The following LARP1 variants were observed in gnomAD, a reference collection of about 807,000 sequenced individuals.
LARP1 encodes La ribonucleoprotein 1, translational regulator.
LARP1 carries 36 observed loss-of-function variants against 122.7 expected under a neutral mutation model. The observed-to-expected ratio is 0.29, with a 90% CI of 0.22 to 0.39. The LOEUF is 0.39. Among genes scored for constraint, LARP1 ranks in the 10% least tolerant of loss-of-function variants. The pLI, the probability that LARP1 is intolerant of heterozygous loss-of-function variation, is 1.00. For missense variants in LARP1, 1,040 were observed against 1,403.6 expected, an observed-to-expected ratio of 0.74 and a Z score of 4.14; for synonymous variants, 539 against 528.7, an observed-to-expected ratio of 1.02 and a Z score of -0.27.
At chr5:154,795,422 G>T in intron 8 of LARP1, 103 bp downstream of exon 8, 1 of 1,180,488 alleles carries the variant, frequency 8.5e-7, no homozygotes, top group South Asian at 1.5e-5. Flanking sequence ...ATCATCTGAT[G>T]ACTTCTGCTG....
At chr5:154,770,829 C>CTGGCCGGGCACGG (rs1755348118) in intron 1 of LARP1, among the ~76,000 whole-genome samples, 1 of 152,040 alleles carries the variant, frequency 6.6e-6, no homozygotes, top group African/African-American at 2.4e-5. Context: ...GGATTGGATC[C>CTGGCCGGGCACGG]TGGCCGGGCA....
At chr5:154,775,981 T>C (rs1434272631) in intron 1 of LARP1, among the ~76,000 whole-genome samples, 1 of 152,094 alleles carries the variant, frequency 6.6e-6, no homozygotes, top group African/African-American at 2.4e-5. Flanking sequence ...AAATGCCTAG[T>C]AAGTGGTGGC....
At chr5:154,699,762 G>A (rs944877083) in intron 1 of LARP1, among the ~76,000 whole-genome samples, 3 of 152,100 alleles carry the variant, frequency 2.0e-5, no homozygotes, top group South Asian at 4.1e-4. Flanking sequence ...TGGAGGGACC[G>A]AGGTACAAAT....
intron 1 of LARP1, among the ~76,000 whole-genome samples, chr5:154,740,438 C>T (rs1365099196): frequency 6.6e-6 from 1 of 151,646 alleles, no homozygotes; most frequent in Non-Finnish European, 1.5e-5. Flanking sequence ...CACCAACACT[C>T]AGTAGGTGGC....
At chr5:154,787,837 G>A (rs1757010358) in intron 1 of LARP1, among the ~76,000 whole-genome samples, 1 of 152,168 alleles carries the variant, frequency 6.6e-6, no homozygotes, top group Admixed American at 6.5e-5. Context: ...CATCAGCTTG[G>A]GATTGGTGGC....
Position 154,815,425 on chromosome 5 carries a change from TC to T in LARP1, c.*1331del, listed in dbSNP as rs1480826116. ...ACACACTTGTCCTCAGCTTACCATC[TC>T]CTCACACCCCAGAGTGGAAAGGTGA... On this transcript the variant is annotated 3_prime_UTR_variant, in exon 19 of 19. Coordinates refer to ENST00000518297, the MANE Select transcript of LARP1 (RefSeq NM_033551.3). The T allele has an allele frequency of 6.6e-6, 1 of 152,298 alleles. No homozygotes were observed. Among genetic ancestry groups the T allele is most frequent in the Non-Finnish European group, 1.5e-5 (1 of 68,040 alleles). 9.4% of individuals were successfully genotyped at this position (152,298 alleles called of 1,614,324 possible). A position where few individuals can be genotyped will look rare whatever the true frequency, so the allele number is the denominator to read the frequency against.
intron 7 of LARP1, 86 bp downstream of exon 7, chr5:154,794,348 G>C (rs1757580007): frequency 7.4e-7 from 1 of 1,359,448 alleles, no homozygotes; most frequent in Admixed American, 2.2e-5. Flanking sequence ...AGGCCCTTCT[G>C]GTGCTTAGCA....
intron 1 of LARP1, among the ~76,000 whole-genome samples, chr5:154,779,397 A>T (rs1404688983): frequency 6.6e-6 from 1 of 152,166 alleles, no homozygotes; most frequent in Non-Finnish European, 1.5e-5. Context: ...ATGGACTCCA[A>T]AGTCCACGCT....
At position 154,743,433 on chromosome 5, in the gene LARP1, C is replaced by T. The variant is rs959870530; in HGVS notation, c.205+30303C>T. On this transcript the variant is annotated intron_variant, in intron 1 of 18. Coordinates refer to the LARP1 transcript ENST00000336314. ...AAGCGATTCTCCTGCCTCAGCCTCCCGAGTAGCTGGGATTACAGGTGCCCG... is the reference window on the plus strand; with the variant it reads ...AAGCGATTCTCCTGCCTCAGCCTCCTGAGTAGCTGGGATTACAGGTGCCCG... 4.6e-5 allele frequency among the ~76,000 whole-genome samples: 7 copies of T among 151,666 alleles called. 1 individual carries two copies. In the East Asian group the frequency reaches 9.7e-4, roughly 21 times the overall value.
upstream of LARP1, among the ~76,000 whole-genome samples, chr5:154,711,499 A>T (rs1353877228): frequency 2.6e-5 from 4 of 152,128 alleles, no homozygotes; most frequent in Non-Finnish European, 4.4e-5. Flanking sequence ...ATGTCTACAG[A>T]GTGGAAGAAG....
chr5:154,790,639 C>T lies in LARP1; in HGVS notation c.499-6C>T, dbSNP rs1156817223. On this transcript the variant is annotated splice_polypyrimidine_tract_variant and splice_region_variant and intron_variant, in intron 2 of 18. Transcript: ENST00000518297. ...CTGGGGCCCTCATAGTGTATGTTCC[C>T]TGCAGGTTGGTGACTTTGGAGATGC... 3.1e-6 allele frequency: 5 copies of T among 1,614,058 alleles called. 1 individual carries two copies. Among genetic ancestry groups the T allele is most frequent in the Middle Eastern group, 1.6e-4 (1 of 6,062 alleles).
rs142709897 is a variant in LARP1, at chr5:154,717,329, A to T, written c.205+4199A>T. Among the ~76,000 whole-genome samples the T allele has an allele frequency of 1.1e-3, 163 of 152,200 alleles. 2 individuals are homozygous for T. Among genetic ancestry groups the T allele is most frequent in the African/African-American group, 3.7e-3 (153 of 41,528 alleles). ...AGCCTGGCCCCACAAGCCTGTGGTT[A>T]TTCAACCTCTGCATTGCACTCTACT... On this transcript the variant is annotated intron_variant, in intron 1 of 18. Coordinates refer to the LARP1 transcript ENST00000336314.
intron 1 of LARP1, among the ~76,000 whole-genome samples, chr5:154,773,123 C>G (rs568064073): frequency 2.6e-5 from 4 of 151,416 alleles, no homozygotes; most frequent in Non-Finnish European, 4.4e-5. Flanking sequence ...AGTTTTTGTA[C>G]TGGAAGGGCT....
At chr5:154,731,191 GA>G (rs1160433245) in intron 1 of LARP1, among the ~76,000 whole-genome samples, 4 of 150,706 alleles carry the variant, frequency 2.7e-5, no homozygotes, top group African/African-American at 4.9e-5. Context: ...TGTGAAAGGA[GA>G]AAAAAAACAC....
chr5:154,749,237 T>G (rs1388906511), intron 1 of LARP1, among the ~76,000 whole-genome samples: 1 of 152,040 alleles, frequency 6.6e-6, no homozygotes, highest in Non-Finnish European at 1.5e-5. Context: ...ACGGGACAAC[T>G]TGGGAAGTAC....
intron 3 of LARP1, among the ~76,000 whole-genome samples, chr5:154,791,795 C>T (rs1757374683): frequency 6.6e-6 from 1 of 152,128 alleles, no homozygotes; most frequent in South Asian, 2.1e-4. Context: ...TATTTTTGTT[C>T]TGCATTCGGT....
At chr5:154,793,354 T>G (rs1015538969) in intron 4 of LARP1, among the ~76,000 whole-genome samples, 3 of 152,168 alleles carry the variant, frequency 2.0e-5, no homozygotes, top group Non-Finnish European at 4.4e-5. Context: ...CAGAAGGGGA[T>G]TCTGTGGCCA....
At chr5:154,683,561 G>A (rs138059325) in intron 1 of LARP1, among the ~76,000 whole-genome samples, 2 of 152,178 alleles carry the variant, frequency 1.3e-5, no homozygotes, top group East Asian at 1.9e-4. Flanking sequence ...CACAGTCTCC[G>A]CTACTCCCTA....
At position 154,699,539 on chromosome 5, in the gene LARP1, C is replaced by T. The variant is rs117942038; in HGVS notation, c.-180+16502C>T. Among the ~76,000 whole-genome samples, 785 of 151,958 alleles carry T rather than the reference C, an allele frequency of 5.2e-3. 8 individuals are homozygous for T. Among genetic ancestry groups the T allele is most frequent in the East Asian group, 0.033 (171 of 5,180 alleles). ...AATTAAAACATAAATAAATAAAGCA[C>T]CTGAAGTGTTCCTGAAACGGGACTA... On this transcript the variant is annotated intron_variant, in intron 1 of 18. Transcript: ENST00000687700.
Sources: allele counts gnomAD v4.1 joint callset (sites outside exome capture counted in the v4.1 genomes callset), GRCh38; gene constraint gnomAD v4.1.1; transcripts MANE v1.5; gene names NCBI Gene and HGNC (gene_info 2026-07-23, HGNC 2026-07-21).